Variants in WNT3A observed in about 807,000 individuals in gnomAD.
WNT3A encodes protein Wnt-3a.
WNT3A carries 17 observed loss-of-function variants against 37.0 expected under a neutral mutation model. That is an observed-to-expected ratio of 0.46 (90% CI 0.31 to 0.69). WNT3A has a LOEUF of 0.69. Ranked by LOEUF, WNT3A falls within the 30% of genes least tolerant of loss-of-function variation. The probability of loss-of-function intolerance (pLI) is 0.05; values close to 1 mark genes in which losing one functional copy is unlikely to be tolerated. For missense variants in WNT3A, 411 were observed against 510.2 expected, an observed-to-expected ratio of 0.81 and a Z score of 1.87; for synonymous variants, 187 against 211.0, an observed-to-expected ratio of 0.89 and a Z score of 0.99.
intron 2 of WNT3A, 66 bp downstream of exon 2, chr1:228,022,974 G>C (rs1374247132): frequency 3.2e-5 from 50 of 1,542,652 alleles, no homozygotes; most frequent in Non-Finnish European, 4.3e-5. Context: ...GCCTAGCGCT[G>C]CCTGACATTC....
intron 2 of WNT3A, among the ~76,000 whole-genome samples, chr1:228,043,496 G>A (rs1164393932): frequency 6.6e-6 from 1 of 152,200 alleles, no homozygotes; most frequent in African/African-American, 2.4e-5. Context: ...CTTCTGGGAT[G>A]GCTGGCACTT....
intron 3 of WNT3A, among the ~76,000 whole-genome samples, chr1:228,052,055 G>A (rs2031565992): frequency 1.3e-5 from 2 of 152,104 alleles, no homozygotes; most frequent in African/African-American, 2.4e-5. Flanking sequence ...GATCCAAACC[G>A]TATCAGGCAC....
intron 1 of WNT3A, among the ~76,000 whole-genome samples, chr1:228,017,500 T>G (rs1280128917): frequency 6.6e-6 from 1 of 151,920 alleles, no homozygotes; most frequent in African/African-American, 2.4e-5. Flanking sequence ...ATGGCTTGAG[T>G]CCAGGAGTTC....
At chr1:228,040,149 TG>T (rs1255202519) in intron 2 of WNT3A, among the ~76,000 whole-genome samples, 2 of 152,226 alleles carry the variant, frequency 1.3e-5, no homozygotes, top group Non-Finnish European at 2.9e-5. Flanking sequence ...GAACACCCAT[TG>T]GAGCTGCAGG....
intron 2 of WNT3A, among the ~76,000 whole-genome samples, chr1:228,040,722 A>G (rs980933534): frequency 1.8e-4 from 27 of 151,712 alleles, no homozygotes; most frequent in Non-Finnish European, 3.8e-4. Flanking sequence ...TCTCTACTAA[A>G]AATACAAAAA....
intron 3 of WNT3A, among the ~76,000 whole-genome samples, chr1:228,052,644 TCAGGGGACCACAGAGGGGTGACGAGTGAA>T (rs1272460542): frequency 6.6e-6 from 1 of 152,118 alleles, no homozygotes; most frequent in African/African-American, 2.4e-5. Context: ...GGCTGTAGAA[TCAGGGGACCACAGAGGGGTGACGAGTGAA>T]CAGGGGATAT....
intron 3 of WNT3A, among the ~76,000 whole-genome samples, chr1:228,057,336 A>G (rs1393470506): frequency 1.3e-5 from 2 of 152,180 alleles, no homozygotes; most frequent in Admixed American, 1.3e-4. Context: ...AGGCCAATAA[A>G]TAATGCCTAA....
At chr1:228,046,230 C>A (rs1489791890) in intron 2 of WNT3A, among the ~76,000 whole-genome samples, 2 of 152,236 alleles carry the variant, frequency 1.3e-5, no homozygotes, top group African/African-American at 4.8e-5. Flanking sequence ...AAGACCTCAG[C>A]CTGCAGATAG....
intron 2 of WNT3A, among the ~76,000 whole-genome samples, chr1:228,048,369 C>G (rs2031471908): frequency 6.6e-6 from 1 of 152,184 alleles, no homozygotes; most frequent in Admixed American, 6.5e-5. Flanking sequence ...CCCCAGAGGC[C>G]AAGCCGAGGC....
At position 228,031,657 on chromosome 1, in the gene WNT3A, TG is replaced by T. The variant is rs2031015093; in HGVS notation, c.313+8750del. ...ATGTGTATGTGGTTTGGTGGATACATGTGCCTGTGCATGGGTGTATGTGGAT... is the reference window on the plus strand; with the variant it reads ...ATGTGTATGTGGTTTGGTGGATACATTGCCTGTGCATGGGTGTATGTGGAT... On this transcript the variant is annotated intron_variant, in intron 2 of 3. Coordinates refer to ENST00000284523, the MANE Select transcript of WNT3A (RefSeq NM_033131.4). This position sits in a 1 kb window ranked among gnomAD's most constrained non-coding sequence, Gnocchi z 4.8. Among the ~76,000 whole-genome samples the T allele has an allele frequency of 6.6e-6, 1 of 152,236 alleles. No homozygotes were observed. The highest frequency in any genetic ancestry group is 3.4e-3 in the Middle Eastern group (1 of 294).
At chr1:228,049,267 A>T (rs2031491915) in intron 2 of WNT3A, among the ~76,000 whole-genome samples, 1 of 151,856 alleles carries the variant, frequency 6.6e-6, no homozygotes, top group Non-Finnish European at 1.5e-5. Context: ...GTGGAGCCAC[A>T]CTCTGGGGTC....
At position 228,037,103 on chromosome 1, in the gene WNT3A, G is replaced by C. The variant is rs2031162278; in HGVS notation, c.314-13553G>C. Among the ~76,000 whole-genome samples, 1 of 152,078 alleles carries C rather than the reference G, an allele frequency of 6.6e-6. No homozygotes were observed. The highest frequency in any genetic ancestry group is 2.1e-4 in the South Asian group (1 of 4,832). On this transcript the variant is annotated intron_variant, in intron 2 of 3. Transcript: ENST00000284523. The surrounding 1 kb of genome is among the most constrained non-coding windows in gnomAD (Gnocchi z 4.1). ...GCAATCTCTTGTGCTTCCCAAGTAAGTGTGCTTCCCACAACTCCCAGTGGA... is the reference window on the plus strand; with the variant it reads ...GCAATCTCTTGTGCTTCCCAAGTAACTGTGCTTCCCACAACTCCCAGTGGA...
At chr1:228,027,519 A>G (rs2030881080) in intron 2 of WNT3A, among the ~76,000 whole-genome samples, 1 of 152,154 alleles carries the variant, frequency 6.6e-6, no homozygotes, top group Non-Finnish European at 1.5e-5. Flanking sequence ...TGTTTCCCTC[A>G]TGATTAGTGA....
At chr1:228,024,320 T>A (rs2030802705) in intron 2 of WNT3A, among the ~76,000 whole-genome samples, 1 of 152,250 alleles carries the variant, frequency 6.6e-6, no homozygotes, top group Non-Finnish European at 1.5e-5. Context: ...TCCTCACTGA[T>A]ACACTGTTTT....
chr1:228,007,596 C>G lies in WNT3A; in HGVS notation c.71+397C>G, dbSNP rs776965576. Among the ~76,000 whole-genome samples, 6 of 152,170 alleles carry G rather than the reference C, an allele frequency of 3.9e-5. No individual in the cohort carries two copies. Among genetic ancestry groups the G allele is most frequent in the Non-Finnish European group, 7.3e-5 (5 of 68,028 alleles). ...CCAGCGAGAGAGAATTCGCCGGAGACTTTCCTCAAAAACCGTATCTTACAC... is the reference window on the plus strand; with the variant it reads ...CCAGCGAGAGAGAATTCGCCGGAGAGTTTCCTCAAAAACCGTATCTTACAC... On this transcript the variant is annotated intron_variant, in intron 1 of 3. Transcript: ENST00000284523. The surrounding 1 kb of genome is among the most constrained non-coding windows in gnomAD (Gnocchi z 6.0).
At chr1:228,021,607 C>T (rs571259162) in intron 1 of WNT3A, among the ~76,000 whole-genome samples, 63 of 152,302 alleles carry the variant, frequency 4.1e-4, no homozygotes, top group Non-Finnish European at 4.3e-4. Flanking sequence ...GGGTGGCGTC[C>T]AAGTTCCTGC....
intron 2 of WNT3A, among the ~76,000 whole-genome samples, chr1:228,030,858 A>T (rs1385488091): frequency 6.6e-6 from 1 of 152,176 alleles, no homozygotes; most frequent in Non-Finnish European, 1.5e-5. Flanking sequence ...CAGCCCCATG[A>T]GCTGATGATT....
chr1:228,026,095 T>C (rs1208677425), intron 2 of WNT3A, among the ~76,000 whole-genome samples: 1 of 151,726 alleles, frequency 6.6e-6, no homozygotes, highest in Non-Finnish European at 1.5e-5. Context: ...AGATTTTCCA[T>C]TGTTAATATA....
At chr1:228,032,138 G>A (rs1332909185) in intron 2 of WNT3A, among the ~76,000 whole-genome samples, 7 of 152,334 alleles carry the variant, frequency 4.6e-5, no homozygotes, top group South Asian at 4.1e-4. Flanking sequence ...TTGCCAAAGC[G>A]GGGAGGGCTC....
Sources: allele counts gnomAD v4.1 joint callset (sites outside exome capture counted in the v4.1 genomes callset), GRCh38; gene constraint gnomAD v4.1.1; non-coding constraint Gnocchi (gnomAD v3.1); transcripts MANE v1.5; gene names NCBI Gene and HGNC (gene_info 2026-07-23, HGNC 2026-07-21).